ZNF800: variants seen among roughly 807,000 people sequenced by gnomAD.
ZNF800 encodes the protein zinc finger protein 800.
ZNF800 carries 13 observed loss-of-function variants against 59.5 expected under a neutral mutation model. The ratio of observed to expected loss-of-function variants is 0.22; its 90% CI spans 0.14 to 0.35. The LOEUF is 0.35. Ranked by LOEUF, ZNF800 falls within the 10% of genes least tolerant of loss-of-function variation. The probability of loss-of-function intolerance (pLI) is 1.00; values close to 1 mark genes in which losing one functional copy is unlikely to be tolerated. For synonymous variants in ZNF800, 266 were observed against 265.7 expected, an observed-to-expected ratio of 1.00 and a Z score of -0.01; for missense variants, 621 against 783.7, an observed-to-expected ratio of 0.79 and a Z score of 2.48.
intron 2 of ZNF800, among the ~76,000 whole-genome samples, chr7:127,388,545 A>G (rs1452738514): frequency 1.3e-5 from 2 of 152,216 alleles, no homozygotes; most frequent in African/African-American, 4.8e-5. Context: ...AAATAAGGGA[A>G]GGATATTGGG....
At chr7:127,385,485 C>A (rs1801110268) in intron 3 of ZNF800, among the ~76,000 whole-genome samples, 1 of 152,146 alleles carries the variant, frequency 6.6e-6, no homozygotes, top group Non-Finnish European at 1.5e-5. Context: ...AAAGCTAATT[C>A]TTATTATCAG....
chr7:127,357,324 T>A (rs992319723), intron 1 of ZNF800, among the ~76,000 whole-genome samples: 1 of 152,080 alleles, frequency 6.6e-6, no homozygotes, highest in Non-Finnish European at 1.5e-5. Flanking sequence ...TATTCACCAG[T>A]CCAAAAAGTG....
At chr7:127,372,114 T>C (rs1285482510) in intron 5 of ZNF800, among the ~76,000 whole-genome samples, 1 of 152,146 alleles carries the variant, frequency 6.6e-6, no homozygotes, top group African/African-American at 2.4e-5. Context: ...TTGCGAAAAG[T>C]ATAGGGAGTC....
Position 127,374,757 on chromosome 7 carries a change from G to A in ZNF800, c.579C>T (p.Pro193=). 6.2e-7 allele frequency: 1 copy of A among 1,613,902 alleles called. No homozygotes were observed. The highest frequency in any genetic ancestry group is 8.5e-7 in the Non-Finnish European group (1 of 1,179,898). The change falls in exon 5 of 6, where the codon CCC becomes CCT. Residue 193 remains proline, a synonymous_variant. Transcript: ENST00000265827. ...CATCTGTAACAATCTCAACAGGAGGGGGCTCTACAGTTTCCACCTCTGTAT... is the reference window on the plus strand; with the variant it reads ...CATCTGTAACAATCTCAACAGGAGGAGGCTCTACAGTTTCCACCTCTGTAT... ...VTDTEVETVE[P]PPVEIVTDEV...
Position 127,392,196 on chromosome 7 carries a change from C to A in ZNF800, c.-195G>T. On this transcript the variant is annotated 5_prime_UTR_variant, in exon 1 of 6. Coordinates refer to ENST00000265827, the MANE Select transcript of ZNF800 (RefSeq NM_176814.5). ...CGCTGACCACGCGGGGGAACCCGGACTCGGGCCCGACGCGCTCCCAAAGAG... is the reference window on the plus strand; with the variant it reads ...CGCTGACCACGCGGGGGAACCCGGAATCGGGCCCGACGCGCTCCCAAAGAG... The A allele has an allele frequency of 2.5e-6, 1 of 394,906 alleles. No individual in the cohort carries two copies. Among genetic ancestry groups the A allele is most frequent in the Non-Finnish European group, 4.5e-6 (1 of 223,538 alleles). The allele number at this position is 394,906 out of a possible 1,614,324, so 24.5% of individuals were successfully genotyped here.
In ZNF800 at chr7:127,374,990, G is replaced by A. The variant is rs764886086; in HGVS notation, c.346C>T (p.Leu116Phe). ...NDKQSQAIND[L>F]LEAIYPSVDK... ...ACACTTGGATATATGGCTTCTAGGA[G>A]ATCATTTATGGCTTGGCTTTGTTTA... The change falls in exon 5 of 6, where the codon CTC becomes TTC. Residue 116 changes from leucine (L) to phenylalanine (F), a missense_variant. Coordinates refer to ENST00000265827, the MANE Select transcript of ZNF800 (RefSeq NM_176814.5). The A allele has an allele frequency of 6.2e-7, 1 of 1,601,994 alleles. No individual in the cohort carries two copies. The highest frequency in any genetic ancestry group is 2.2e-5 in the East Asian group (1 of 44,780).
At position 127,379,836 on chromosome 7, in the gene ZNF800, A is replaced by ACCCCCCCCCCCCCCCCCCCCCCC. The variant is rs71179574; in HGVS notation, c.158-2508_158-2507insGGGGGGGGGGGGGGGGGGGGGGG. The stretch of plus-strand genomic sequence containing the variant: ...ACAAATGCTTCCCCTTACCCTTGCC[A>ACCCCCCCCCCCCCCCCCCCCCCC]CCCCCCCACCCCCCCACCCCCCCCA... On this transcript the variant is annotated intron_variant, in intron 3 of 5. Transcript: ENST00000265827. 5.8e-4 allele frequency among the ~76,000 whole-genome samples: 16 copies of ACCCCCCCCCCCCCCCCCCCCCCC among 27,654 alleles called. 1 individual carries two copies. Among genetic ancestry groups the ACCCCCCCCCCCCCCCCCCCCCCC allele is most frequent in the Admixed American group, 2.8e-3 (6 of 2,112 alleles). The allele number at this position is 27,654 out of a possible 152,430, so 18.1% of individuals were successfully genotyped here.
chr7:127,364,897 T>G (rs372808650), intron 1 of ZNF800: 1 of 152,074 alleles, frequency 6.6e-6, no homozygotes, highest in Non-Finnish European at 1.5e-5. Flanking sequence ...TTAAGAACAG[T>G]GTGAAAAGTT....
At chr7:127,345,091 A>G (rs1800033125), downstream of ZNF800, among the ~76,000 whole-genome samples, 1 of 152,220 alleles carries the variant, frequency 6.6e-6, no homozygotes, top group Non-Finnish European at 1.5e-5. Flanking sequence ...TAGTGGTTTC[A>G]ATATATAAAA....
chr7:127,391,539 A>G lies in ZNF800; in HGVS notation c.19T>C (p.Tyr7His), dbSNP rs563090104. The G allele has an allele frequency of 7.7e-5, 124 of 1,614,114 alleles. No individual in the cohort carries two copies. The South Asian group carries it at 1.3e-3, about 17-fold the overall frequency. The change falls in exon 2 of 6, where the codon TAC (tyrosine) becomes CAC (histidine). Residue 7 changes from tyrosine to histidine, a missense_variant. Physicochemically the swap from Tyr to His is moderately conservative, Grantham distance 83. Around this residue, in one of 7 missense-constraint regions of ZNF800, gnomAD observed 57 missense variants for 77.1 expected, o/e 0.74. Transcript: ENST00000265827. ...TGATGATGGTGGTCAGTCTGACAGT[A>G]TTTGTCCCTTAAAGGCATTTTCAGT... MPLRDK[Y>H]CQTDHHHHGC...
chr7:127,347,912 G>A (rs1800098737), exon 2 of ZNF800: 2 of 149,424 alleles, frequency 1.3e-5, no homozygotes, highest in East Asian at 3.9e-4. Context: ...CTCTCGGGCG[G>A]CGCCGCCGCG....
downstream of ZNF800, among the ~76,000 whole-genome samples, chr7:127,367,000 A>C (rs758144847): frequency 1.3e-5 from 2 of 152,198 alleles, no homozygotes; most frequent in Non-Finnish European, 2.9e-5. Flanking sequence ...AGTTAAGACC[A>C]TATTGAGAAG....
rs775561855 is a variant in ZNF800 at position 127,374,346 on chromosome 7, C to T, written c.990G>A (p.Leu330=). The T allele has an allele frequency of 3.7e-6, 6 of 1,613,586 alleles. No homozygotes were observed. The East Asian group carries it at 6.7e-5, about 18-fold the overall frequency. Residue 330 remains leucine, a synonymous_variant, in exon 5 of 6, where the codon TTG becomes TTA. Transcript: ENST00000265827. ...TTTTAGGAGAAATAGAATCCAGGAA[C>T]AAAGGTTGCCCAGGCTTTGTTGCTA... ...PDIATKPGQP[L]FLDSISPKKS...
chr7:127,344,587 A>G (rs980203109), downstream of ZNF800, among the ~76,000 whole-genome samples: 1 of 152,158 alleles, frequency 6.6e-6, no homozygotes, highest in Admixed American at 6.5e-5. Context: ...GAAGAGTAAC[A>G]TTTACCCCCA....
chr7:127,365,873 CTAGAAAGTAT>C (rs1321843818), downstream of ZNF800, among the ~76,000 whole-genome samples: 6 of 152,036 alleles, frequency 3.9e-5, no homozygotes, highest in African/African-American at 1.4e-4. Context: ...AAGCTAAGTG[CTAGAAAGTAT>C]TTCAGAAAGA....
intron 1 of ZNF800, among the ~76,000 whole-genome samples, chr7:127,348,755 T>C (rs1450261798): frequency 6.6e-6 from 1 of 152,208 alleles, no homozygotes; most frequent in Non-Finnish European, 1.5e-5. Flanking sequence ...GTTTCCCAAA[T>C]TTCATACAAG....
intron 1 of ZNF800, among the ~76,000 whole-genome samples, chr7:127,358,145 A>C (rs1800311654): frequency 6.6e-6 from 1 of 151,842 alleles, no homozygotes; most frequent in Admixed American, 6.6e-5. Context: ...TACCACCTCA[A>C]ACTCAACATA....
rs935089802 is a variant in ZNF800 at position 127,371,652 on chromosome 7, GTTATT to G, written c.*157_*161del. The G allele has an allele frequency of 4.4e-5, 23 of 519,516 alleles. No individual in the cohort carries two copies. Among genetic ancestry groups the G allele is most frequent in the Non-Finnish European group, 7.3e-5 (21 of 288,658 alleles). 32.2% of individuals were successfully genotyped at this position (519,516 alleles called of 1,614,324 possible). A position where few individuals can be genotyped will look rare whatever the true frequency, so the allele number is the denominator to read the frequency against. On this transcript the variant is annotated 3_prime_UTR_variant, in exon 6 of 6. Transcript: ENST00000265827. ...TGCCTTAGAAACAAGTGGTTAGATG[GTTATT>G]TTAGTCAGAAAACAGCAGTTATAGT... is the stretch of plus-strand genomic sequence containing the variant.
chr7:127,382,528 C>T (rs1801005818), intron 3 of ZNF800, among the ~76,000 whole-genome samples: 2 of 152,016 alleles, frequency 1.3e-5, no homozygotes. Context: ...AATGACACAG[C>T]CAAAGCCAAA....
Sources: allele counts gnomAD v4.1 joint callset (sites outside exome capture counted in the v4.1 genomes callset), GRCh38; gene constraint gnomAD v4.1.1; regional missense constraint gnomAD v4.1.1; transcripts MANE v1.5; gene names NCBI Gene and HGNC (gene_info 2026-07-23, HGNC 2026-07-21).